BIN2: variants seen among roughly 807,000 people sequenced by gnomAD.
BIN2 encodes the protein bridging integrator 2.
Under a neutral mutation model 67.9 loss-of-function variants are expected in BIN2, and 43 were observed. The observed-to-expected ratio is 0.63, with a 90% confidence interval of 0.50 to 0.82. The LOEUF (loss-of-function observed/expected upper bound fraction) is 0.82, where lower values mean the gene tolerates loss of function less well. BIN2 is among the 40% of genes least tolerant of loss of function. The pLI is 0.00. For synonymous variants in BIN2, 244 were observed against 246.8 expected, an observed-to-expected ratio of 0.99 and a Z score of 0.11; for missense variants, 581 against 671.6, an observed-to-expected ratio of 0.87 and a Z score of 1.49.
rs1056511629 is a variant in BIN2, at chr12:51,292,079, G to A, written c.1027C>T (p.Pro343Ser). ...EDEPLPACNG[P>S]AQAQPSPTTE... is the part of the protein sequence containing the mutation. ...GTAGGAGAGGGCTGGGCCTGGGCGG[G>A]GCCATTGCAGGCTGGTAGAGGCTCA... The change falls in exon 10 of 13, where the codon CCC becomes TCC. Residue 343 changes from proline (P) to serine (S), a missense_variant. Pro to Ser is a moderately conservative substitution (Grantham distance 74). Transcript: ENST00000615107. The A allele has an allele frequency of 3.1e-6, 5 of 1,614,038 alleles. No homozygotes were observed. The Admixed American group carries it at 6.7e-5, about 22-fold the overall frequency.
chr12:51,306,863 C>T (rs533731627), intron 2 of BIN2, among the ~76,000 whole-genome samples: 5 of 152,208 alleles, frequency 3.3e-5, no homozygotes, highest in Non-Finnish European at 5.9e-5. Flanking sequence ...CTTAGATAGC[C>T]TAACATGTTA....
intron 5 of BIN2, among the ~76,000 whole-genome samples, chr12:51,300,307 C>T (rs1945689309): frequency 6.6e-6 from 1 of 151,860 alleles, no homozygotes. Flanking sequence ...TTTCCACCTC[C>T]ACCTCCCGCT....
intron 1 of BIN2, among the ~76,000 whole-genome samples, chr12:51,322,164 C>A (rs894264733): frequency 2.0e-5 from 3 of 152,168 alleles, no homozygotes; most frequent in African/African-American, 7.2e-5. Flanking sequence ...TCTAATGTGA[C>A]AGCTTTTCAA....
chr12:51,297,149 A>T lies in BIN2; in HGVS notation c.618T>A (p.Tyr206Ter), dbSNP rs779630216. ...PILYNSRIGC[Y>*]VTIFQNISNL... The stretch of plus-strand genomic sequence containing the variant: ...TGGAAATGTTTTGGAAGATGGTCAC[A>T]TAGCAGCCAATACGACTATTAGGAA... Residue 206 changes from tyrosine to a stop codon, truncating the protein, a stop_gained, in exon 8 of 13, where the codon TAT (tyrosine) becomes TAA (stop). Coordinates refer to ENST00000615107, the MANE Select transcript of BIN2 (RefSeq NM_016293.4). LOFTEE classifies it high-confidence loss of function. 5 of 1,613,962 alleles carry T rather than the reference A, an allele frequency of 3.1e-6. No individual in the cohort carries two copies. The highest frequency in any genetic ancestry group is 4.2e-6 in the Non-Finnish European group (5 of 1,179,844).
At chr12:51,310,101 C>A (rs1339140824) in intron 2 of BIN2, among the ~76,000 whole-genome samples, 1 of 152,192 alleles carries the variant, frequency 6.6e-6, no homozygotes, top group Non-Finnish European at 1.5e-5. Flanking sequence ...AGGAGACAAC[C>A]AGATTTTATG....
chr12:51,307,773 G>C (rs1031644961), intron 2 of BIN2, among the ~76,000 whole-genome samples: 5 of 151,610 alleles, frequency 3.3e-5, no homozygotes, highest in Non-Finnish European at 7.4e-5. Flanking sequence ...TTTCCCATTA[G>C]TTATCATATA....
intron 7 of BIN2, 62 bp from the exon 8 acceptor site, chr12:51,297,226 G>A (rs1945588839): frequency 6.6e-7 from 1 of 1,508,142 alleles, no homozygotes; most frequent in Non-Finnish European, 9.2e-7. Context: ...TTCTTTGTTT[G>A]AAATACAAAG....
intron 1 of BIN2, 53 bp downstream of exon 1, chr12:51,323,963 GCTCGGC>G (rs960878663): frequency 3.2e-5 from 51 of 1,594,672 alleles, no homozygotes; most frequent in Middle Eastern, 1.7e-4. Context: ...GCCCGGCCGG[GCTCGGC>G]CTCGGCCTCG....
intron 1 of BIN2, among the ~76,000 whole-genome samples, chr12:51,317,527 G>A (rs1439891619): frequency 6.6e-6 from 1 of 152,028 alleles, no homozygotes; most frequent in African/African-American, 2.4e-5. Context: ...AAATTAGCTG[G>A]GTGTGGTGGT....
At chr12:51,323,820 G>A (rs1049167381) in intron 1 of BIN2, among the ~76,000 whole-genome samples, 10 of 152,190 alleles carry the variant, frequency 6.6e-5, no homozygotes, top group African/African-American at 2.4e-4. Flanking sequence ...TCGGGTGGCG[G>A]TCTCCGACCT....
rs141609139 is a variant in BIN2 at position 51,296,960 on chromosome 12, TC to T, written c.678+128del. The T allele has an allele frequency of 3.2e-3, 2,427 of 752,390 alleles. 28 individuals carry two copies. The African/African-American group carries it at 0.038, about 12-fold the overall frequency. The allele number at this position is 752,390 out of a possible 1,614,324, so 46.6% of individuals were successfully genotyped here. On this transcript the variant is annotated intron_variant, in intron 8 of 12. Transcript: ENST00000615107. ...AAGTACACAATCAAGTGCTCTTATT[TC>T]ATCATGAGAGAAAAGCCAAAATCTG...
At position 51,288,121 on chromosome 12, in the gene BIN2, G is replaced by C. The variant is rs1945287550; in HGVS notation, c.1583C>G (p.Ala528Gly). Residue 528 changes from alanine (A) to glycine (G), a missense_variant, in exon 11 of 13, where the codon GCT becomes GGT. Transcript: ENST00000615107. Reference protein sequence around the residue: ...DKEKDNKLISANSSEGQDQLQ... With the variant: ...DKEKDNKLISGNSSEGQDQLQ... ...GGCTTTTAGTACCTCCGAGGAGTTAGCTGAGATAAGCTTATTATCCTTTTC... is the reference window on the plus strand; with the variant it reads ...GGCTTTTAGTACCTCCGAGGAGTTACCTGAGATAAGCTTATTATCCTTTTC... 6.2e-7 allele frequency: 1 copy of C among 1,613,170 alleles called. No individual in the cohort carries two copies. The highest frequency in any genetic ancestry group is 8.5e-7 in the Non-Finnish European group (1 of 1,179,170).
chr12:51,316,965 C>T (rs1225922913), intron 1 of BIN2, among the ~76,000 whole-genome samples: 3 of 152,104 alleles, frequency 2.0e-5, no homozygotes, highest in Admixed American at 1.3e-4. Context: ...CAACTTCCGC[C>T]TCCTAGGTTC....
intron 2 of BIN2, among the ~76,000 whole-genome samples, chr12:51,310,425 C>A (rs566200741): frequency 6.6e-6 from 1 of 152,188 alleles, no homozygotes; most frequent in African/African-American, 2.4e-5. Flanking sequence ...CCATAAAAAG[C>A]ATGAAGACAC....
At chr12:51,299,985 T>C (rs1328483034) in intron 5 of BIN2, among the ~76,000 whole-genome samples, 1 of 152,086 alleles carries the variant, frequency 6.6e-6, no homozygotes, top group African/African-American at 2.4e-5. Flanking sequence ...ATTATAGGCA[T>C]GTGCACCAAG....
intron 10 of BIN2, among the ~76,000 whole-genome samples, chr12:51,291,012 G>A (rs1945367125): frequency 6.6e-6 from 1 of 152,036 alleles, no homozygotes; most frequent in African/African-American, 2.4e-5. Flanking sequence ...AGCCGGGTGT[G>A]GTGGCGTGCA....
At chr12:51,312,897 T>A (rs1592277809) in intron 2 of BIN2, among the ~76,000 whole-genome samples, 1 of 152,096 alleles carries the variant, frequency 6.6e-6, no homozygotes, top group Non-Finnish European at 1.5e-5. Flanking sequence ...AATATAATTT[T>A]AAAAATTATT....
At chr12:51,305,579 G>A (rs1442344749) in intron 2 of BIN2, among the ~76,000 whole-genome samples, 2 of 148,796 alleles carry the variant, frequency 1.3e-5, no homozygotes, top group African/African-American at 2.5e-5. Context: ...AGCCGAGATC[G>A]CACCACTGTA....
chr12:51,288,425 C>T (rs992797707), intron 10 of BIN2, among the ~76,000 whole-genome samples: 3 of 152,194 alleles, frequency 2.0e-5, no homozygotes, highest in East Asian at 1.9e-4. Flanking sequence ...CACATGTCAC[C>T]GCTGACTGCT....
Sources: gnomAD v4.1 joint callset for allele counts (sites outside exome capture counted in the v4.1 genomes callset) on GRCh38, gnomAD v4.1.1 for gene constraint, MANE v1.5 for transcripts, NCBI Gene and HGNC (gene_info 2026-07-23, HGNC 2026-07-21) for gene names.